Variants in SMARCA4 observed in about 807,000 individuals in gnomAD.
The protein encoded by SMARCA4 is SWI/SNF-related matrix-associated actin-dependent regulator of chromatin subfamily A member 4.
In SMARCA4, 31 loss-of-function variants were observed where a neutral mutation model predicts 193.9. The observed-to-expected ratio is 0.16, with a 90% CI of 0.12 to 0.22. The LOEUF is 0.22. Among genes scored for constraint, SMARCA4 ranks in the 10% least tolerant of loss-of-function variants. The pLI is 1.00. For missense variants in SMARCA4, 1,148 were observed against 2,296.0 expected (o/e 0.50, Z 10.22); for synonymous variants, 942 against 933.1 (o/e 1.01, Z -0.17).
chr19:11,057,281 CCTG>C (rs2076599176), intron 30 of SMARCA4, among the ~76,000 whole-genome samples: 1 of 152,234 alleles, frequency 6.6e-6, no homozygotes, highest in Admixed American at 6.5e-5. Flanking sequence ...CCCACCCTGT[CCTG>C]CTGAGCCAGG....
Position 11,041,248 on chromosome 19 carries a change from G to C in SMARCA4, c.4171-59G>C, listed in dbSNP as rs758647808. ...AGCCCGGCCCCTGGGATTGCGTCGC[G>C]GCCTCTGCTTGTCGACCTGGGTGCT... On this transcript the variant is annotated intron_variant, in intron 29 of 34. Coordinates refer to ENST00000344626, the MANE Select transcript of SMARCA4 (RefSeq NM_003072.5). The surrounding 1 kb of genome is among the most constrained non-coding windows in gnomAD (Gnocchi z 5.6). The C allele has an allele frequency of 2.6e-6, 4 of 1,554,784 alleles. No homozygotes were observed. Among genetic ancestry groups the C allele is most frequent in the African/African-American group, 1.4e-5 (1 of 73,646 alleles).
rs774085664 is a variant in SMARCA4, at chr19:10,986,488, A to G, written c.655A>G (p.Thr219Ala). Residue 219 changes from threonine to alanine, a missense_variant, in exon 4 of 35, where the codon ACG (threonine) becomes GCG (alanine). Around this residue, in one of 17 missense-constraint regions of SMARCA4, gnomAD observed 257 missense variants for 276.5 expected, o/e 0.93. Transcript: ENST00000344626. The surrounding 1 kb of genome is among the most constrained non-coding windows in gnomAD (Gnocchi z 6.7). ...PMPGMQQQMP[T>A]LPPPSVSATG... ...GCCCGGGATGCAGCAGCAGATGCCAACGCTACCTCCACCCTCGGTGTCCGC... is the reference window on the plus strand; with the variant it reads ...GCCCGGGATGCAGCAGCAGATGCCAGCGCTACCTCCACCCTCGGTGTCCGC... 3.7e-5 allele frequency: 58 copies of G among 1,550,756 alleles called. 1 individual carries two copies. The South Asian group carries it at 6.3e-4, about 17-fold the overall frequency.
chr19:11,019,654 C>G lies in SMARCA4; in HGVS notation c.2569C>G (p.Leu857Val), dbSNP rs2146375152. 6.2e-7 allele frequency: 1 copy of G among 1,613,686 alleles called. No homozygotes were observed. The highest frequency in any genetic ancestry group is 2.2e-5 in the East Asian group (1 of 44,876). ...CCGGAGTGGGAAGTTCAACGTCTTGCTGACGACGTACGAGTACATCATCAA... is the reference window on the plus strand; with the variant it reads ...CCGGAGTGGGAAGTTCAACGTCTTGGTGACGACGTACGAGTACATCATCAA... ...QLRSGKFNVL[L>V]TTYEYIIKDK... is the part of the protein sequence containing the mutation. The change falls in exon 18 of 35, where the codon CTG (leucine) becomes GTG (valine). Residue 857 changes from leucine (L) to valine (V), a missense_variant. Physicochemically the swap from Leu to Val is conservative, Grantham distance 32. Around this residue, in one of 17 missense-constraint regions of SMARCA4, gnomAD observed 54 missense variants for 123.3 expected, o/e 0.44. Coordinates refer to ENST00000344626, the MANE Select transcript of SMARCA4 (RefSeq NM_003072.5). The surrounding 1 kb of genome is among the most constrained non-coding windows in gnomAD (Gnocchi z 6.1).
chr19:11,018,010 C>T (rs1413635497), intron 16 of SMARCA4, among the ~76,000 whole-genome samples: 1 of 152,252 alleles, frequency 6.6e-6, no homozygotes, highest in Non-Finnish European at 1.5e-5. Context: ...GAACTCTCCC[C>T]AGCCTTCACC....
intron 15 of SMARCA4, 42 bp downstream of exon 15, chr19:11,010,573 C>T (rs778421223): frequency 3.9e-5 from 63 of 1,600,746 alleles, no homozygotes; most frequent in Middle Eastern, 1.6e-4. Context: ...GTAGCTGCCT[C>T]GGTGCAGGTG....
intron 13 of SMARCA4, 105 bp downstream of exon 13, chr19:11,003,502 G>T (rs1183886750): frequency 5.8e-6 from 6 of 1,032,438 alleles, no homozygotes; most frequent in Non-Finnish European, 9.2e-6. Context: ...ATCTTGTGGG[G>T]CAGGGAACAG....
intron 30 of SMARCA4, among the ~76,000 whole-genome samples, chr19:11,056,022 G>A (rs1208535002): frequency 1.3e-5 from 2 of 152,212 alleles, no homozygotes; most frequent in Non-Finnish European, 1.5e-5. Flanking sequence ...AACTCTTGCT[G>A]TGCCTTATTG....
At chr19:11,056,099 T>C (rs2076533249) in intron 30 of SMARCA4, 1 of 152,152 alleles carries the variant, frequency 6.6e-6, no homozygotes, top group Non-Finnish European at 1.5e-5. Flanking sequence ...TAAAATTCCG[T>C]AGAGTGGAGA....
At chr19:11,038,494 A>G (rs1482876269) in intron 29 of SMARCA4, among the ~76,000 whole-genome samples, 4 of 152,006 alleles carry the variant, frequency 2.6e-5, no homozygotes, top group Non-Finnish European at 4.4e-5. Context: ...GTTGCCTTCC[A>G]TCCTCCTGGG....
Position 10,964,626 on chromosome 19 carries a change from T to C in SMARCA4, c.-32+3452T>C, listed in dbSNP as rs117191313. Among the ~76,000 whole-genome samples the C allele has an allele frequency of 1.9e-3, 279 of 150,472 alleles. 5 individuals are homozygous for C. The highest frequency in any genetic ancestry group is 0.013 in the Admixed American group (192 of 15,080). ...AGCCACCGCGCCCGGCCTCTTTTTT[T>C]TTTTTTCTTATGAGACAGAGTCATT... On this transcript the variant is annotated intron_variant, in intron 1 of 34. Transcript: ENST00000344626.
chr19:11,061,009 C>T (rs1367179775), intron 34 of SMARCA4, among the ~76,000 whole-genome samples: 1 of 151,710 alleles, frequency 6.6e-6, no homozygotes, highest in Non-Finnish European at 1.5e-5. Context: ...TGTTTTATGG[C>T]CCATGCCAGG....
chr19:10,985,865 G>C lies in SMARCA4; in HGVS notation c.356-324G>C, dbSNP rs1479137653. Among the ~76,000 whole-genome samples the C allele has an allele frequency of 1.3e-5, 2 of 152,238 alleles. No individual in the cohort carries two copies. The highest frequency in any genetic ancestry group is 2.4e-5 in the African/African-American group (1 of 41,454). ...GCTGCACTGGGAATGGAAGTGTTGG[G>C]GGTGGGCCTGGCGAGCCCGAGGATG... On this transcript the variant is annotated intron_variant, in intron 3 of 34. Coordinates refer to ENST00000344626, the MANE Select transcript of SMARCA4 (RefSeq NM_003072.5). The surrounding 1 kb of genome is among the most constrained non-coding windows in gnomAD (Gnocchi z 4.5).
rs1555768770 is a variant in SMARCA4 at position 11,003,379 on chromosome 19, C to T, written c.1983C>T (p.Gly661=). 6.2e-7 allele frequency: 1 copy of T among 1,613,932 alleles called. No individual in the cohort carries two copies. Among genetic ancestry groups the T allele is most frequent in the African/African-American group, 1.3e-5 (1 of 74,924 alleles). The stretch of plus-strand genomic sequence containing the variant: ...CGAGGTCTGATAGTGAAGAAAGTGG[C>T]TCAGAAGAAGAGGAAGAGGTAAGAG... ...VAPRSDSEES[G]SEEEEEEEEE... is the part of the protein sequence containing the mutation. The change falls in exon 13 of 35, where the codon GGC becomes GGT. Residue 661 remains glycine, a synonymous_variant. Coordinates refer to ENST00000344626, the MANE Select transcript of SMARCA4 (RefSeq NM_003072.5).
rs2146541688 is a variant in SMARCA4 at position 11,027,800 on chromosome 19, G to C, written c.3232G>C (p.Ala1078Pro). 1 of 1,614,096 alleles carries C rather than the reference G, an allele frequency of 6.2e-7. No homozygotes were observed. Reference protein sequence around the residue: ...GIVQGLDLYRASGKFELLDRI... With the variant: ...GIVQGLDLYRPSGKFELLDRI... ...ACACTCCAGGCTGGACCTGTACCGAGCCTCGGGTAAATTTGAGCTTCTTGA... is the reference window on the plus strand; with the variant it reads ...ACACTCCAGGCTGGACCTGTACCGACCCTCGGGTAAATTTGAGCTTCTTGA... The change falls in exon 24 of 35, where the codon GCC becomes CCC. Residue 1078 changes from alanine to proline, a missense_variant. By Grantham distance (27) the Ala-to-Pro change is conservative (BLOSUM62 -1). This residue lies in a region of SMARCA4 where 74 missense variants were observed against 392.3 expected (regional missense o/e 0.19). Transcript: ENST00000344626.
intron 8 of SMARCA4, 126 bp downstream of exon 8, chr19:10,991,449 T>C (rs1463863578): frequency 6.9e-7 from 1 of 1,441,594 alleles, no homozygotes; most frequent in Non-Finnish European, 9.4e-7. Flanking sequence ...TTTTGCTCAT[T>C]GTAACAGTAT....
At chr19:11,006,493 G>A (rs1224909688) in intron 13 of SMARCA4, among the ~76,000 whole-genome samples, 3 of 152,190 alleles carry the variant, frequency 2.0e-5, no homozygotes, top group Non-Finnish European at 4.4e-5. Context: ...TCTCACGCCT[G>A]TAATCCCAGC....
intron 1 of SMARCA4, among the ~76,000 whole-genome samples, chr19:10,974,689 A>ATAT (rs1568402484): frequency 1.1e-4 from 4 of 37,172 alleles, no homozygotes; most frequent in Non-Finnish European, 1.2e-4. Context: ...ATATATATAT[A>ATAT]TTTTTTTTTT....
chr19:11,025,801 G>A (rs915104652), intron 22 of SMARCA4, among the ~76,000 whole-genome samples: 3 of 152,184 alleles, frequency 2.0e-5, no homozygotes, highest in African/African-American at 4.8e-5. Flanking sequence ...GTCCTGCTGC[G>A]TCTCTTTGGC....
At position 11,019,133 on chromosome 19, in the gene SMARCA4, A is replaced by T; in HGVS notation, c.2505+110A>T. On this transcript the variant is annotated intron_variant, in intron 17 of 34. Transcript: ENST00000344626. This position sits in a 1 kb window ranked among gnomAD's most constrained non-coding sequence, Gnocchi z 6.1. ...GTGAACCTGAGAATGCTGGGTCTCC[A>T]GTCGCATGGAGTCTCCAGGACAGCC... 1 of 834,904 alleles carries T rather than the reference A, an allele frequency of 1.2e-6. No homozygotes were observed. Among genetic ancestry groups the T allele is most frequent in the Non-Finnish European group, 2.1e-6 (1 of 483,678 alleles). 51.7% of individuals were successfully genotyped at this position (834,904 alleles called of 1,614,324 possible).
Sources: gnomAD v4.1 joint callset for allele counts (sites outside exome capture counted in the v4.1 genomes callset) on GRCh38, gnomAD v4.1.1 for gene constraint, gnomAD v4.1.1 regional missense constraint, Gnocchi (gnomAD v3.1) non-coding constraint, MANE v1.5 for transcripts, NCBI Gene and HGNC (gene_info 2026-07-23, HGNC 2026-07-21) for gene names.